The following B3GNT6 variants were observed in gnomAD, a reference collection of about 807,000 sequenced individuals.
B3GNT6 encodes UDP-GlcNAc:betaGal beta-1,3-N-acetylglucosaminyltransferase 6, also known as acetylgalactosaminyl-O-glycosyl-glycoprotein beta-1,3-N-acetylglucosaminyltransferase.
For synonymous variants in B3GNT6, 300 were observed against 270.0 expected (o/e 1.11, Z -1.09); for missense variants, 624 against 568.6 (o/e 1.10, Z -0.99).
intron 1 of B3GNT6, among the ~76,000 whole-genome samples, chr11:77,034,867 G>A (rs538772613): frequency 6.6e-6 from 1 of 152,266 alleles, no homozygotes; most frequent in Non-Finnish European, 1.5e-5. Context: ...AAAGAAGAGG[G>A]ACAATTCCTG....
intron 1 of B3GNT6, among the ~76,000 whole-genome samples, chr11:77,035,566 A>C (rs1368152683): frequency 6.6e-6 from 1 of 152,250 alleles, no homozygotes; most frequent in African/African-American, 2.4e-5. Context: ...ACCTGGACTT[A>C]CCGTGAGGTG....
Position 77,039,994 on chromosome 11 carries a change from G to A in B3GNT6, c.443G>A (p.Gly148Glu), listed in dbSNP as rs1326396194. 1.0e-5 allele frequency: 16 copies of A among 1,576,842 alleles called. No homozygotes were observed. In the Admixed American group the frequency reaches 2.8e-4, roughly 28 times the overall value. The stretch of plus-strand genomic sequence containing the variant: ...TGGGGGCAAGAGCGCAGCTACGGCG[G>A]GCGGCCAGTGCGCCGCCTCTTTCTA... The part of the protein sequence containing the change: ...RTWGQERSYG[G>E]RPVRRLFLLG... Residue 148 changes from glycine (G) to glutamate (E), a missense_variant, in exon 2 of 2, where the codon GGG becomes GAG. Gly to Glu is a moderately conservative substitution (Grantham distance 98). Coordinates refer to ENST00000622824, the MANE Select transcript of B3GNT6 (RefSeq NM_138706.5).
At chr11:77,037,510 C>A (rs1949642402) in intron 1 of B3GNT6, among the ~76,000 whole-genome samples, 1 of 152,072 alleles carries the variant, frequency 6.6e-6, no homozygotes, top group Admixed American at 6.6e-5. Flanking sequence ...GCTGGATGGA[C>A]ATGTGGCTCT....
Position 77,039,726 on chromosome 11 carries a change from G to A in B3GNT6, c.175G>A (p.Glu59Lys), listed in dbSNP as rs201020853. The change falls in exon 2 of 2, where the codon GAG becomes AAG. Residue 59 changes from glutamate (E) to lysine (K), a missense_variant. By Grantham distance (56) the Glu-to-Lys change is moderately conservative. Transcript: ENST00000622824. ...TCCCACCGACGCTCCCGCGGCTGAC[G>A]AGCCGCCCTCGGAGCTCGTCCCCGG... is the stretch of plus-strand genomic sequence containing the variant. Reference protein sequence around the residue: ...EGPTDAPAADEPPSELVPGPP... With the variant: ...EGPTDAPAADKPPSELVPGPP... 2.3e-4 allele frequency: 372 copies of A among 1,605,436 alleles called. 1 individual carries two copies. The highest frequency in any genetic ancestry group is 2.8e-4 in the South Asian group (25 of 90,668).
intron 1 of B3GNT6, among the ~76,000 whole-genome samples, chr11:77,038,041 GAT>G (rs1565240495): frequency 9.8e-4 from 1 of 1,018 alleles, no homozygotes; most frequent in Non-Finnish European, 2.3e-3. Flanking sequence ...AGAGGGATAG[GAT>G]GGGAGGGGAA....
intron 1 of B3GNT6, among the ~76,000 whole-genome samples, chr11:77,034,799 C>T (rs1426292826): frequency 6.6e-6 from 1 of 152,198 alleles, no homozygotes; most frequent in African/African-American, 2.4e-5. Context: ...AATCTGTGTT[C>T]CAGCTAGCTA....
In B3GNT6 at chr11:77,041,409, C is replaced by G. The variant is rs917184181; in HGVS notation, c.*703C>G. 5 of 152,472 alleles carry G rather than the reference C, an allele frequency of 3.3e-5. No homozygotes were observed. Among genetic ancestry groups the G allele is most frequent in the Non-Finnish European group, 7.3e-5 (5 of 68,246 alleles). The allele number at this position is 152,472 out of a possible 1,614,324, so 9.4% of individuals were successfully genotyped here. On this transcript the variant is annotated 3_prime_UTR_variant, in exon 2 of 2. Coordinates refer to ENST00000622824, the MANE Select transcript of B3GNT6 (RefSeq NM_138706.5). Reference sequence around the variant, plus strand: ...GCACACCACTGTGGTCCCCTCCACACTCACCCCAACCAAAGCTAATGGCCT... The same window carrying G: ...GCACACCACTGTGGTCCCCTCCACAGTCACCCCAACCAAAGCTAATGGCCT...
At chr11:77,036,754 T>C (rs1949635652) in intron 1 of B3GNT6, among the ~76,000 whole-genome samples, 2 of 152,304 alleles carry the variant, frequency 1.3e-5, no homozygotes, top group South Asian at 4.1e-4. Context: ...CAGCCAGCAT[T>C]TCCTACTACT....
intron 1 of B3GNT6, among the ~76,000 whole-genome samples, chr11:77,034,930 G>T (rs377203695): frequency 6.6e-6 from 1 of 152,232 alleles, no homozygotes; most frequent in Admixed American, 6.5e-5. Context: ...AGGCCATGGC[G>T]GGTGGCTCAC....
rs1555027573 is a variant in B3GNT6 at position 77,040,033 on chromosome 11, G to GC, written c.486dup (p.Glu163ArgfsTer216). 1 of 1,579,352 alleles carries GC rather than the reference G, an allele frequency of 6.3e-7. No individual in the cohort carries two copies. Among genetic ancestry groups the GC allele is most frequent in the Non-Finnish European group, 8.5e-7 (1 of 1,171,740 alleles). ...CGCCTCTTTCTATTGGGCACCCCGG[G>GC]CCCCGAGGACGAGGCGCGCGCGGAG... On this transcript the variant is annotated frameshift_variant, in exon 2 of 2. Transcript: ENST00000622824. LOFTEE classifies it low-confidence loss of function (END_TRUNC).
At position 77,041,680 on chromosome 11, in the gene B3GNT6, C is replaced by T. The variant is rs1200738373; in HGVS notation, c.*974C>T. ...TGGACAGTGGTTAAGATTGTGGGGC[C>T]GGGCGAGGTGGCTCACGCCTGTAAT... On this transcript the variant is annotated 3_prime_UTR_variant, in exon 2 of 2. Coordinates refer to ENST00000622824, the MANE Select transcript of B3GNT6 (RefSeq NM_138706.5). 3.3e-5 allele frequency: 5 copies of T among 152,480 alleles called. No homozygotes were observed. Among genetic ancestry groups the T allele is most frequent in the African/African-American group, 4.8e-5 (2 of 41,416 alleles). The allele number at this position is 152,480 out of a possible 1,614,324, so 9.4% of individuals were successfully genotyped here. A position where few individuals can be genotyped will look rare whatever the true frequency, so the allele number is the denominator to read the frequency against.
chr11:77,040,777 G>A lies in B3GNT6; in HGVS notation c.*71G>A. On this transcript the variant is annotated 3_prime_UTR_variant, in exon 2 of 2. Coordinates refer to ENST00000622824, the MANE Select transcript of B3GNT6 (RefSeq NM_138706.5). ...CTGAGAAGGCAGCTTTCCCGCTCTG[G>A]GTACCTTACGTCCTGCCCAGCTCTG... 1 of 1,477,764 alleles carries A rather than the reference G, an allele frequency of 6.8e-7. No individual in the cohort carries two copies. The highest frequency in any genetic ancestry group is 8.9e-7 in the Non-Finnish European group (1 of 1,121,058). 91.5% of individuals were successfully genotyped at this position (1,477,764 alleles called of 1,614,324 possible). A position where few individuals can be genotyped will look rare whatever the true frequency, so the allele number is the denominator to read the frequency against.
rs782423354 is a variant in B3GNT6 at position 77,040,543 on chromosome 11, C to T, written c.992C>T (p.Pro331Leu). 55 of 1,575,498 alleles carry T rather than the reference C, an allele frequency of 3.5e-5. No individual in the cohort carries two copies. In the East Asian group the frequency reaches 4.4e-4, roughly 13 times the overall value. Residue 331 changes from proline (P) to leucine (L), a missense_variant, in exon 2 of 2, where the codon CCC becomes CTC. Physicochemically the swap from Pro to Leu is moderately conservative, Grantham distance 98. Transcript: ENST00000622824. ...CCCAGCGGCCACGAGGGCATCCGAC[C>T]CTTCGGCGTGCAGCTGCCTGGCGCA... ...LAPSGHEGIR[P>L]FGVQLPGAQQ...
chr11:77,039,692 G>A lies in B3GNT6; in HGVS notation c.141G>A (p.Thr47=). 1.2e-6 allele frequency: 2 copies of A among 1,611,216 alleles called. No homozygotes were observed. The highest frequency in any genetic ancestry group is 2.2e-5 in the East Asian group (1 of 44,780). ...AGGAGAGGTCCCCGCAGGAGGAGAC[G>A]CCAGAGGGTCCCACCGACGCTCCCG... ...PREERSPQEE[T]PEGPTDAPAA... Residue 47 remains threonine (T), a synonymous_variant, in exon 2 of 2, where the codon ACG becomes ACA. Transcript: ENST00000622824.
chr11:77,035,996 C>A (rs1949630381), intron 1 of B3GNT6, among the ~76,000 whole-genome samples: 1 of 152,162 alleles, frequency 6.6e-6, no homozygotes, highest in South Asian at 2.1e-4. Context: ...AAACAGGATT[C>A]TCTCCTTATT....
Position 77,040,475 on chromosome 11 carries a change from C to A in B3GNT6, c.924C>A (p.Asp308Glu). The change falls in exon 2 of 2, where the codon GAC becomes GAA. Residue 308 changes from aspartate to glutamate, a missense_variant. Transcript: ENST00000622824. ...GCCACACCCCGCTCTTCCCCATCGA[C>A]GACGCCTACATGGGCATGTGTCTGG... Reference protein sequence around the residue: ...AARHTPLFPIDDAYMGMCLER... With the variant: ...AARHTPLFPIEDAYMGMCLER... 1 of 1,537,618 alleles carries A rather than the reference C, an allele frequency of 6.5e-7. No individual in the cohort carries two copies. Among genetic ancestry groups the A allele is most frequent in the Non-Finnish European group, 8.7e-7 (1 of 1,147,150 alleles).
At chr11:77,036,176 C>T (rs1460555106) in intron 1 of B3GNT6, among the ~76,000 whole-genome samples, 1 of 152,038 alleles carries the variant, frequency 6.6e-6, no homozygotes, top group Non-Finnish European at 1.5e-5. Flanking sequence ...TATTGCATTC[C>T]CCAAATGTGC....
rs1555027474 is a variant in B3GNT6, at chr11:77,039,849, C to T, written c.298C>T (p.His100Tyr). 4 of 1,584,048 alleles carry T rather than the reference C, an allele frequency of 2.5e-6. No individual in the cohort carries two copies. In the African/African-American group the frequency reaches 5.4e-5, roughly 21 times the overall value. ...CTTCCTGCGGTACCGCCACTGCCGCCACTTCCCGCTGCTTTGGGACGCACC... is the reference window on the plus strand; with the variant it reads ...CTTCCTGCGGTACCGCCACTGCCGCTACTTCCCGCTGCTTTGGGACGCACC... ...QDFLRYRHCR[H>Y]FPLLWDAPAK... Residue 100 changes from histidine (H) to tyrosine (Y), a missense_variant, in exon 2 of 2, where the codon CAC (histidine) becomes TAC (tyrosine). Coordinates refer to ENST00000622824, the MANE Select transcript of B3GNT6 (RefSeq NM_138706.5).
rs1555027383 is a variant in B3GNT6, at chr11:77,039,602, C to T, written c.51C>T (p.Leu17=). 3 of 1,610,090 alleles carry T rather than the reference C, an allele frequency of 1.9e-6. No individual in the cohort carries two copies. Among genetic ancestry groups the T allele is most frequent in the Non-Finnish European group, 2.5e-6 (3 of 1,178,358 alleles). The change falls in exon 2 of 2, where the codon CTC becomes CTT. Residue 17 remains leucine (L), a synonymous_variant. Coordinates refer to ENST00000622824, the MANE Select transcript of B3GNT6 (RefSeq NM_138706.5). ...RSLTAKTLAC[L]LVGVSFLALQ... is the part of the protein sequence containing the mutation. ...TGACTGCCAAGACTCTGGCCTGCCT[C>T]CTGGTGGGCGTGAGTTTCTTAGCAC...
Sources: allele counts gnomAD v4.1 joint callset (sites outside exome capture counted in the v4.1 genomes callset), GRCh38; gene constraint gnomAD v4.1.1; transcripts MANE v1.5; gene names NCBI Gene and HGNC (gene_info 2026-07-23, HGNC 2026-07-21).